The following NBEA variants were observed in gnomAD, a reference collection of about 807,000 sequenced individuals.
The protein encoded by NBEA is neurobeachin, also known as lysosomal-trafficking regulator 2.
Under a neutral mutation model 343.4 loss-of-function variants are expected in NBEA, and 44 were observed. The observed-to-expected ratio is 0.13, with a 90% CI of 0.10 to 0.16. NBEA has a LOEUF of 0.16. NBEA is among the 10% of genes least tolerant of loss of function. The pLI is 1.00. For synonymous variants in NBEA, 1,175 were observed against 1,238.7 expected, an observed-to-expected ratio of 0.95 and a Z score of 1.08; for missense variants, 2,555 against 3,631.3, an observed-to-expected ratio of 0.70 and a Z score of 7.62.
chr13:35,124,823 G>GATAT (rs146776547), intron 17 of NBEA, among the ~76,000 whole-genome samples: 15 of 149,792 alleles, frequency 1.0e-4, no homozygotes, highest in African/African-American at 3.7e-4. Context: ...CACACATATG[G>GATAT]ATATATATAT....
chr13:35,109,832 T>A (rs1291467763), intron 12 of NBEA, among the ~76,000 whole-genome samples: 2 of 151,942 alleles, frequency 1.3e-5, no homozygotes, highest in Non-Finnish European at 2.9e-5. Flanking sequence ...TAAATAATAC[T>A]AATTTAAAAA....
intron 34 of NBEA, among the ~76,000 whole-genome samples, chr13:35,280,317 C>T (rs566242132): frequency 6.6e-6 from 1 of 152,060 alleles, no homozygotes; most frequent in Non-Finnish European, 1.5e-5. Context: ...TCTACATCCT[C>T]TCATGAGTAA....
At chr13:35,668,332 G>GTT in intron 57 of NBEA, 36 bp from the exon 58 acceptor site, 3 of 1,501,000 alleles carry the variant, frequency 2.0e-6, no homozygotes, top group South Asian at 1.3e-5. Context: ...ATTTTATTTT[G>GTT]TTTTTTTTTG....
At chr13:35,267,389 A>AT (rs1020262416) in intron 34 of NBEA, among the ~76,000 whole-genome samples, 15 of 151,950 alleles carry the variant, frequency 9.9e-5, no homozygotes, top group African/African-American at 3.1e-4. Context: ...TTATCTGTAC[A>AT]TTTTTTAATG....
intron 34 of NBEA, among the ~76,000 whole-genome samples, chr13:35,248,289 A>C (rs2031496328): frequency 6.6e-6 from 1 of 152,234 alleles, no homozygotes; most frequent in Admixed American, 6.5e-5. Context: ...CTGAAATGCA[A>C]GGATGGTTCA....
At chr13:35,180,606 G>A (rs1400619349) in intron 28 of NBEA, among the ~76,000 whole-genome samples, 4 of 151,588 alleles carry the variant, frequency 2.6e-5, no homozygotes, top group African/African-American at 7.3e-5. Context: ...AATGAGGAGC[G>A]TGAAATATTG....
intron 1 of NBEA, among the ~76,000 whole-genome samples, chr13:34,962,734 A>G (rs2059699321): frequency 6.6e-6 from 1 of 152,094 alleles, no homozygotes; most frequent in East Asian, 1.9e-4. Flanking sequence ...CTTTCGACAG[A>G]AATTCCTGTA....
chr13:35,472,519 A>G lies in NBEA; in HGVS notation c.6568A>G (p.Lys2190Glu). 6 of 1,614,046 alleles carry G rather than the reference A, an allele frequency of 3.7e-6. No homozygotes were observed. Among genetic ancestry groups the G allele is most frequent in the Non-Finnish European group, 5.1e-6 (6 of 1,179,898 alleles). The change falls in exon 41 of 59, where the codon AAG becomes GAG. Residue 2190 changes from lysine (K) to glutamate (E), a missense_variant. Transcript: ENST00000379939. Reference sequence around the variant, plus strand: ...GGTAGATGAGGATGATTCTGCCTTCAAGAAGATCGACACGAAAGTGAGTTA... The same window carrying G: ...GGTAGATGAGGATGATTCTGCCTTCGAGAAGATCGACACGAAAGTGAGTTA... ...FEVDEDDSAF[K>E]KIDTKVLAYT...
chr13:35,204,399 G>A (rs2073233331), intron 31 of NBEA, among the ~76,000 whole-genome samples: 1 of 152,094 alleles, frequency 6.6e-6, no homozygotes, highest in South Asian at 2.1e-4. Context: ...CTTCTTATAT[G>A]GTGGTAGCAA....
intron 41 of NBEA, among the ~76,000 whole-genome samples, chr13:35,490,441 C>A (rs937598881): frequency 1.3e-5 from 2 of 151,766 alleles, no homozygotes; most frequent in African/African-American, 2.4e-5. Flanking sequence ...GATTATCAAC[C>A]AAAGGACCAG....
chr13:35,107,755 A>G (rs1037281865), intron 11 of NBEA, among the ~76,000 whole-genome samples: 4 of 151,990 alleles, frequency 2.6e-5, no homozygotes, highest in African/African-American at 7.2e-5. Context: ...CTAAATGACT[A>G]AAAGTCTTGA....
intron 30 of NBEA, among the ~76,000 whole-genome samples, chr13:35,188,188 T>C (rs1227343127): frequency 6.6e-6 from 1 of 152,146 alleles, no homozygotes; most frequent in African/African-American, 2.4e-5. Flanking sequence ...TATACTGATA[T>C]TTGTATGCAT....
chr13:35,092,439 C>G (rs955704753), intron 10 of NBEA, among the ~76,000 whole-genome samples: 2 of 151,838 alleles, frequency 1.3e-5, no homozygotes, highest in Non-Finnish European at 2.9e-5. Context: ...ACAGTACAGG[C>G]TGGAGGAAGA....
chr13:35,273,359 T>C (rs928126212), intron 34 of NBEA, among the ~76,000 whole-genome samples: 4 of 152,094 alleles, frequency 2.6e-5, no homozygotes, highest in African/African-American at 9.7e-5. Flanking sequence ...AAGGAGTGTG[T>C]AGAGGGAAAT....
At chr13:35,466,426 G>A (rs1003524422) in intron 40 of NBEA, among the ~76,000 whole-genome samples, 5 of 152,090 alleles carry the variant, frequency 3.3e-5, no homozygotes, top group African/African-American at 9.7e-5. Context: ...AACCCTTAAG[G>A]CATTGTATTC....
chr13:35,117,436 A>G lies in NBEA; in HGVS notation c.2025A>G (p.Lys675=), dbSNP rs745499197. ...KGLDGPRPSQ[K]EIISLRAFML... ...TAGATGGTCCCCGGCCATCACAAAA[A>G]GAAATTATATCACTGAGGGCATTTA... The change falls in exon 14 of 59, where the codon AAA becomes AAG. Residue 675 remains lysine (K), a synonymous_variant. Transcript: ENST00000379939. 5 of 1,380,930 alleles carry G rather than the reference A, an allele frequency of 3.6e-6. No homozygotes were observed. Among genetic ancestry groups the G allele is most frequent in the South Asian group, 2.0e-5 (1 of 50,678 alleles). The allele number at this position is 1,380,930 out of a possible 1,614,324, so 85.5% of individuals were successfully genotyped here.
At chr13:35,350,253 T>G (rs370821664) in intron 37 of NBEA, among the ~76,000 whole-genome samples, 1 of 152,176 alleles carries the variant, frequency 6.6e-6, no homozygotes, top group Non-Finnish European at 1.5e-5. Flanking sequence ...TGGCTAGATA[T>G]TAGTTATGAG....
chr13:35,548,303 T>C (rs907349399), intron 41 of NBEA, among the ~76,000 whole-genome samples: 6 of 152,184 alleles, frequency 3.9e-5, no homozygotes, highest in Admixed American at 2.0e-4. Flanking sequence ...CAAACTAACA[T>C]ACTTTTTGGA....
intron 44 of NBEA, among the ~76,000 whole-genome samples, chr13:35,563,648 AAAT>A (rs1239818412): frequency 6.6e-6 from 1 of 151,806 alleles, no homozygotes; most frequent in Non-Finnish European, 1.5e-5. Context: ...ATTAGAATTA[AAAT>A]AATGCTATAA....
Sources: gnomAD v4.1 joint callset for allele counts (sites outside exome capture counted in the v4.1 genomes callset) on GRCh38, gnomAD v4.1.1 for gene constraint, MANE v1.5 for transcripts, NCBI Gene and HGNC (gene_info 2026-07-23, HGNC 2026-07-21) for gene names.